Variants in NUMBL observed in about 807,000 individuals in gnomAD.
NUMBL encodes NUMB like endocytic adaptor protein.
A neutral mutation model predicts 48.9 loss-of-function variants in NUMBL; 20 were observed. The ratio of observed to expected loss-of-function variants is 0.41; its 90% CI spans 0.29 to 0.59. NUMBL has a LOEUF of 0.59. Ranked by LOEUF, NUMBL falls within the 20% of genes least tolerant of loss-of-function variation. The pLI is 0.31. For missense variants in NUMBL, 660 were observed against 846.2 expected (o/e 0.78, Z 2.73); for synonymous variants, 340 against 348.7 (o/e 0.98, Z 0.28).
intron 5 of NUMBL, 30 bp from the exon 6 acceptor site, chr19:40,681,087 A>C (rs1332207958): frequency 1.9e-6 from 3 of 1,611,922 alleles, no homozygotes; most frequent in African/African-American, 2.7e-5. Flanking sequence ...CCAGGAGAAG[A>C]GTGTGAACTC....
chr19:40,675,515 AATT>A (rs200816536), intron 7 of NUMBL, among the ~76,000 whole-genome samples: 1,967 of 87,226 alleles, frequency 0.023, 36 homozygotes, highest in African/African-American at 0.073. Context: ...TAAATAAATT[AATT>A]AATTAATAAA....
At chr19:40,681,218 C>T (rs550480521) in intron 5 of NUMBL, among the ~76,000 whole-genome samples, 161 bp from the exon 6 acceptor site, 10 of 152,192 alleles carry the variant, frequency 6.6e-5, no homozygotes, top group Non-Finnish European at 7.4e-5. Context: ...CCCAGGTCAG[C>T]GGGAAGATCA....
rs189176460 is a variant in NUMBL, at chr19:40,673,965, A to C, written c.731-316T>G. ...CTCTATCTCCCTTTTTGATCACTTA[A>C]CAAACACTGATTTGGTGCTGGAACA... On this transcript the variant is annotated intron_variant, in intron 7 of 9. Coordinates refer to ENST00000252891, the MANE Select transcript of NUMBL (RefSeq NM_004756.5). The surrounding 1 kb of genome is among the most constrained non-coding windows in gnomAD (Gnocchi z 5.9). 2.1e-4 allele frequency among the ~76,000 whole-genome samples: 32 copies of C among 152,104 alleles called. 1 individual carries two copies. In the East Asian group the frequency reaches 5.2e-3, roughly 25 times the overall value.
At chr19:40,690,248 G>A in intron 1 of NUMBL, 1 of 369,328 alleles carries the variant, frequency 2.7e-6, no homozygotes, top group Non-Finnish European at 4.8e-6. Context: ...TATTTCCAGG[G>A]CCTTGGCAAG....
chr19:40,667,685 C>A lies in NUMBL; in HGVS notation c.1613G>T (p.Gly538Val). ...GGGTATGGCAGGGGGCGGGAAGGCCCCAGCTTTCCCAAGCAGAGTGGCAGG... is the reference window on the plus strand; with the variant it reads ...GGGTATGGCAGGGGGCGGGAAGGCCACAGCTTTCCCAAGCAGAGTGGCAGG... Reference protein sequence around the residue: ...PQPATLLGKAGAFPPPAIPSA... With the variant: ...PQPATLLGKAVAFPPPAIPSA... Residue 538 changes from glycine (G) to valine (V), a missense_variant, in exon 10 of 10, where the codon GGG becomes GTG. Gly to Val is a moderately radical substitution (Grantham distance 109). Coordinates refer to ENST00000252891, the MANE Select transcript of NUMBL (RefSeq NM_004756.5). The surrounding 1 kb of genome is among the most constrained non-coding windows in gnomAD (Gnocchi z 6.1). 1 of 1,573,154 alleles carries A rather than the reference C, an allele frequency of 6.4e-7. No individual in the cohort carries two copies. The highest frequency in any genetic ancestry group is 8.6e-7 in the Non-Finnish European group (1 of 1,159,798).
In NUMBL at chr19:40,687,077, G is replaced by T; in HGVS notation, c.25-82C>A. 1 of 825,290 alleles carries T rather than the reference G, an allele frequency of 1.2e-6. No individual in the cohort carries two copies. The highest frequency in any genetic ancestry group is 1.8e-6 in the Non-Finnish European group (1 of 544,288). The allele number at this position is 825,290 out of a possible 1,614,324, so 51.1% of individuals were successfully genotyped here. The stretch of plus-strand genomic sequence containing the variant: ...ATACTTCACCCCGACTTTGGACTTC[G>T]GCCAGCCCCCTCCATCTTGGGCTCC... On this transcript the variant is annotated intron_variant, in intron 1 of 9. Coordinates refer to ENST00000252891, the MANE Select transcript of NUMBL (RefSeq NM_004756.5). This position sits in a 1 kb window ranked among gnomAD's most constrained non-coding sequence, Gnocchi z 4.6.
At chr19:40,669,798 A>G in intron 9 of NUMBL, 100 bp downstream of exon 9, 1 of 1,464,382 alleles carries the variant, frequency 6.8e-7, no homozygotes, top group Non-Finnish European at 9.2e-7. Flanking sequence ...CTAAGCCTGT[A>G]GGATCCCAAG....
Position 40,673,773 on chromosome 19 carries a change from C to T in NUMBL, c.731-124G>A, listed in dbSNP as rs1599904528. 1.1e-6 allele frequency: 1 copy of T among 900,532 alleles called. No individual in the cohort carries two copies. The highest frequency in any genetic ancestry group is 1.6e-6 in the Non-Finnish European group (1 of 617,374). 55.8% of individuals were successfully genotyped at this position (900,532 alleles called of 1,614,324 possible). ...TGCCCAGTGAGTCCTGCCCTTAAGA[C>T]AAGCTAGTCAAAGCCCTGAGATATC... is the stretch of plus-strand genomic sequence containing the variant. On this transcript the variant is annotated intron_variant, in intron 7 of 9. Transcript: ENST00000252891. The surrounding 1 kb of genome is among the most constrained non-coding windows in gnomAD (Gnocchi z 5.9).
intron 9 of NUMBL, among the ~76,000 whole-genome samples, chr19:40,669,466 A>G (rs2081834538): frequency 6.6e-6 from 1 of 151,538 alleles, no homozygotes; most frequent in African/African-American, 2.4e-5. Context: ...AGGTAATCCC[A>G]TGGCTCTAAG....
chr19:40,682,796 G>A lies in NUMBL; in HGVS notation c.331C>T (p.Arg111Ter). 2.5e-6 allele frequency: 4 copies of A among 1,614,088 alleles called. No homozygotes were observed. The highest frequency in any genetic ancestry group is 1.7e-5 in the Admixed American group (1 of 60,020). The change falls in exon 5 of 10, where the codon CGA becomes TGA. Residue 111 changes from arginine to a stop codon, truncating the protein, a stop_gained. Transcript: ENST00000252891. LOFTEE classifies it high-confidence loss of function. This position sits in a 1 kb window ranked among gnomAD's most constrained non-coding sequence, Gnocchi z 4.0. ...DAVKKLKAMGRKSVKSVLWVS... is the reference protein window; with the variant it reads ...DAVKKLKAMG The stretch of plus-strand genomic sequence containing the variant: ...CACAGGACAGACTTCACGGACTTTC[G>A]GCCCATCTGGAGGGAGGCAAGGGGA...
chr19:40,671,780 A>T (rs918710225), intron 8 of NUMBL, among the ~76,000 whole-genome samples: 5 of 152,204 alleles, frequency 3.3e-5, no homozygotes, highest in African/African-American at 4.8e-5. Flanking sequence ...ACATGGGTTC[A>T]CTGGCTGCTG....
chr19:40,679,967 T>C (rs1456435812), intron 6 of NUMBL, among the ~76,000 whole-genome samples: 3 of 152,000 alleles, frequency 2.0e-5, no homozygotes, highest in Admixed American at 6.6e-5. Context: ...TAATTTTATG[T>C]GAATTTCACC....
intron 1 of NUMBL, chr19:40,689,620 C>A (rs1395595971): frequency 6.6e-6 from 1 of 152,348 alleles, no homozygotes; most frequent in Non-Finnish European, 1.5e-5. Flanking sequence ...AGGGCTGCAC[C>A]CGGTCCCTGG....
At chr19:40,674,919 A>G (rs2081866699) in intron 7 of NUMBL, among the ~76,000 whole-genome samples, 1 of 152,176 alleles carries the variant, frequency 6.6e-6, no homozygotes, top group Non-Finnish European at 1.5e-5. Context: ...TGGGGGGATC[A>G]GTTGAAGCCA....
chr19:40,683,628 C>T (rs2561540), intron 3 of NUMBL, among the ~76,000 whole-genome samples: 11,982 of 152,238 alleles, frequency 0.079, 585 homozygotes, highest in East Asian at 0.21. Flanking sequence ...CCACAGTCCA[C>T]GCCGTGAATC....
chr19:40,669,350 T>A (rs1333962602), intron 9 of NUMBL, among the ~76,000 whole-genome samples: 1 of 151,866 alleles, frequency 6.6e-6, no homozygotes, highest in Non-Finnish European at 1.5e-5. Flanking sequence ...TCTAAGGTGA[T>A]CACATGATTC....
rs774387405 is a variant in NUMBL at position 40,667,914 on chromosome 19, G to A, written c.1384C>T (p.Pro462Ser). The A allele has an allele frequency of 2.1e-4, 328 of 1,572,290 alleles. No homozygotes were observed. Among genetic ancestry groups the A allele is most frequent in the Admixed American group, 3.0e-4 (16 of 53,332 alleles). ...AAGGGCCCCACGGGGGCGGGGAAAGGCTGCAGGGCAGGAGGCATGGTGGGC... is the reference window on the plus strand; with the variant it reads ...AAGGGCCCCACGGGGGCGGGGAAAGACTGCAGGGCAGGAGGCATGGTGGGC... ...PVPTMPPALQ[P>S]FPAPVGPFDA... Residue 462 changes from proline to serine, a missense_variant, in exon 10 of 10, where the codon CCT (proline) becomes TCT (serine). Around this residue, in one of 3 missense-constraint regions of NUMBL, gnomAD observed 296 missense variants for 339.7 expected, o/e 0.87. Transcript: ENST00000252891. This position sits in a 1 kb window ranked among gnomAD's most constrained non-coding sequence, Gnocchi z 6.1.
chr19:40,677,111 G>T, intron 7 of NUMBL, 121 bp downstream of exon 7: 3 of 1,090,582 alleles, frequency 2.8e-6, no homozygotes, highest in Non-Finnish European at 3.9e-6. Flanking sequence ...ATGGCGCTTG[G>T]CCTGAAGCAT....
At chr19:40,677,456 G>A (rs376874654) in intron 6 of NUMBL, 35 bp from the exon 7 acceptor site, 26 of 1,582,206 alleles carry the variant, frequency 1.6e-5, no homozygotes, top group African/African-American at 1.3e-4. Context: ...GGTTAGAGGC[G>A]CTGGGCAGTG....
Sources: gnomAD v4.1 joint callset for allele counts (sites outside exome capture counted in the v4.1 genomes callset) on GRCh38, gnomAD v4.1.1 for gene constraint, gnomAD v4.1.1 regional missense constraint, Gnocchi (gnomAD v3.1) non-coding constraint, MANE v1.5 for transcripts, NCBI Gene and HGNC (gene_info 2026-07-23, HGNC 2026-07-21) for gene names.